Variants in HLCS observed in about 807,000 individuals in gnomAD.
HLCS encodes the protein holocarboxylase synthetase.
Under a neutral mutation model 75.0 loss-of-function variants are expected in HLCS, and 53 were observed. The ratio of observed to expected loss-of-function variants is 0.71; its 90% CI spans 0.57 to 0.89. The LOEUF (loss-of-function observed/expected upper bound fraction) is 0.89. HLCS is among the 40% of genes least tolerant of loss of function. The pLI, the probability that HLCS is intolerant of heterozygous loss-of-function variation, is 0.00. For missense variants in HLCS, 966 were observed against 1,074.0 expected (o/e 0.90, Z 1.41); for synonymous variants, 431 against 428.6 (o/e 1.01, Z -0.07).
intron 5 of HLCS, among the ~76,000 whole-genome samples, chr21:36,900,580 G>A (rs544321410): frequency 6.6e-6 from 1 of 152,224 alleles, no homozygotes; most frequent in African/African-American, 2.4e-5. Flanking sequence ...GGAAGGTCGT[G>A]GGATGTCCTA....
At chr21:36,988,848 C>T (rs73904206) in intron 1 of HLCS, among the ~76,000 whole-genome samples, 2,136 of 152,164 alleles carry the variant, frequency 0.014, 64 homozygotes, top group African/African-American at 0.048. Flanking sequence ...TGCAGATTGT[C>T]AGTTCATGTT....
intron 6 of HLCS, among the ~76,000 whole-genome samples, chr21:36,779,655 C>T (rs2060468934): frequency 2.0e-5 from 3 of 152,042 alleles, no homozygotes; most frequent in Admixed American, 2.0e-4. Context: ...TTTTTTTGCC[C>T]TTAGCCTGAG....
chr21:36,762,069 C>G (rs2089867726), intron 8 of HLCS, among the ~76,000 whole-genome samples: 1 of 152,198 alleles, frequency 6.6e-6, no homozygotes, highest in Non-Finnish European at 1.5e-5. Context: ...TTCATTTTCT[C>G]AATCATTTAT....
intron 2 of HLCS, among the ~76,000 whole-genome samples, chr21:36,944,463 CA>C (rs1045847752): frequency 6.6e-6 from 1 of 152,156 alleles, no homozygotes; most frequent in African/African-American, 2.4e-5. Flanking sequence ...ATAAATTCAT[CA>C]AAACACACAG....
chr21:36,787,145 T>TCA (rs1179229337), intron 6 of HLCS, among the ~76,000 whole-genome samples: 1 of 152,220 alleles, frequency 6.6e-6, no homozygotes, highest in Non-Finnish European at 1.5e-5. Context: ...TCCTAGGTTT[T>TCA]CACCAGGCCA....
At chr21:36,952,515 C>T (rs962451138) in intron 2 of HLCS, among the ~76,000 whole-genome samples, 17 of 152,164 alleles carry the variant, frequency 1.1e-4, no homozygotes, top group African/African-American at 3.9e-4. Context: ...TAACCACGGC[C>T]GAGCGCGGTG....
At chr21:36,789,571 A>G (rs137930117) in intron 6 of HLCS, among the ~76,000 whole-genome samples, 83 of 152,310 alleles carry the variant, frequency 5.4e-4, no homozygotes, top group African/African-American at 1.9e-3. Context: ...GACCAAAGTA[A>G]TGTTTCCCTT....
At chr21:36,805,533 C>T (rs1601328872) in intron 6 of HLCS, among the ~76,000 whole-genome samples, 1 of 152,314 alleles carries the variant, frequency 6.6e-6, no homozygotes, top group East Asian at 1.9e-4. Context: ...CACCAGGGTA[C>T]CTTCTGCACT....
chr21:36,892,713 C>G (rs2064843660), intron 6 of HLCS, among the ~76,000 whole-genome samples: 3 of 152,184 alleles, frequency 2.0e-5, no homozygotes, highest in African/African-American at 7.2e-5. Context: ...CTTAGGAATA[C>G]AACTCCCAAT....
chr21:36,958,720 T>C (rs1371637069), intron 2 of HLCS, among the ~76,000 whole-genome samples: 2 of 150,450 alleles, frequency 1.3e-5, no homozygotes, highest in African/African-American at 4.9e-5. Context: ...ACCCGGGAGG[T>C]GGAGGTTGCA....
At chr21:36,789,914 G>A (rs141546200) in intron 6 of HLCS, among the ~76,000 whole-genome samples, 1,886 of 152,262 alleles carry the variant, frequency 0.012, 30 homozygotes, top group Middle Eastern at 0.051. Context: ...ACTTTCCGAT[G>A]TATCTGATCA....
chr21:36,894,198 C>T (rs149668166), intron 6 of HLCS, among the ~76,000 whole-genome samples: 232 of 152,282 alleles, frequency 1.5e-3, no homozygotes, highest in African/African-American at 5.4e-3. Flanking sequence ...CCTTCTGCAA[C>T]GATTGTAAGT....
chr21:36,944,078 A>T (rs1031587499), intron 2 of HLCS: 10 of 152,172 alleles, frequency 6.6e-5, no homozygotes, highest in Admixed American at 5.2e-4. Context: ...TTCATTCTCC[A>T]AGCTTCCATT....
chr21:36,794,032 G>C (rs2060952581), intron 6 of HLCS, among the ~76,000 whole-genome samples: 1 of 152,232 alleles, frequency 6.6e-6, no homozygotes, highest in Non-Finnish European at 1.5e-5. Context: ...TTCTACTAAG[G>C]ACGAGCTACG....
chr21:36,801,076 GA>G (rs2061184994), intron 6 of HLCS, among the ~76,000 whole-genome samples: 1 of 152,172 alleles, frequency 6.6e-6, no homozygotes, highest in Non-Finnish European at 1.5e-5. Context: ...GCCTGAGGCT[GA>G]TGACATGGGA....
chr21:36,944,423 T>G (rs2067287841), intron 2 of HLCS, among the ~76,000 whole-genome samples: 1 of 152,224 alleles, frequency 6.6e-6, no homozygotes, highest in South Asian at 2.1e-4. Context: ...ATGTTTCATG[T>G]CTTAATGACC....
At chr21:36,986,127 T>G (rs1183663115) in intron 1 of HLCS, among the ~76,000 whole-genome samples, 1 of 151,932 alleles carries the variant, frequency 6.6e-6, no homozygotes, top group Admixed American at 6.6e-5. Flanking sequence ...ATTGCGGGAG[T>G]GGGCTCCTGA....
At chr21:36,806,739 C>T (rs141711993) in intron 6 of HLCS, among the ~76,000 whole-genome samples, 1 of 152,346 alleles carries the variant, frequency 6.6e-6, no homozygotes, top group Non-Finnish European at 1.5e-5. Context: ...TATTACTTAT[C>T]TATTGCTGTG....
Position 36,861,211 on chromosome 21 carries a change from A to G in HLCS, c.1892+35649T>C, listed in dbSNP as rs189106329. Among the ~76,000 whole-genome samples the G allele has an allele frequency of 2.0e-5, 3 of 152,164 alleles. No individual in the cohort carries two copies. The East Asian group carries it at 5.8e-4, about 29-fold the overall frequency. On this transcript the variant is annotated intron_variant, in intron 6 of 10. Coordinates refer to ENST00000674895, the MANE Select transcript of HLCS (RefSeq NM_001352514.2). ...TACAGCCCAAATGAAGGCAACCACGAGAAAAATTCTGGACCCTACAATCTC... is the reference window on the plus strand; with the variant it reads ...TACAGCCCAAATGAAGGCAACCACGGGAAAAATTCTGGACCCTACAATCTC...
Sources: allele counts gnomAD v4.1 joint callset (sites outside exome capture counted in the v4.1 genomes callset), GRCh38; gene constraint gnomAD v4.1.1; transcripts MANE v1.5; gene names NCBI Gene and HGNC (gene_info 2026-07-23, HGNC 2026-07-21).